Variants in HOOK3 observed in about 807,000 individuals in gnomAD.
The protein encoded by HOOK3 is hook microtubule tethering protein 3.
A neutral mutation model predicts 116.3 loss-of-function variants in HOOK3; 24 were observed. That is an observed-to-expected ratio of 0.21 (90% CI 0.15 to 0.29). The LOEUF (loss-of-function observed/expected upper bound fraction) is 0.29, where lower values mean the gene tolerates loss of function less well. Among genes scored for constraint, HOOK3 ranks in the 10% least tolerant of loss-of-function variants. The pLI is 1.00. For missense variants in HOOK3, 632 were observed against 830.2 expected (o/e 0.76, Z 2.93); for synonymous variants, 275 against 283.0 (o/e 0.97, Z 0.28).
chr8:42,951,328 C>T (rs911114683), intron 6 of HOOK3, among the ~76,000 whole-genome samples: 2 of 152,126 alleles, frequency 1.3e-5, no homozygotes, highest in Non-Finnish European at 2.9e-5. Context: ...TCCCAAAGTG[C>T]TAGGATTACA....
rs71231878 is a variant in HOOK3 at position 42,953,255 on chromosome 8, T to TAAA, written c.468+2817_468+2819dup. Among the ~76,000 whole-genome samples, 3 of 107,422 alleles carry TAAA rather than the reference T, an allele frequency of 2.8e-5. No homozygotes were observed. The South Asian group carries it at 8.7e-4, about 31-fold the overall frequency. The allele number at this position is 107,422 out of a possible 152,430, so 70.5% of individuals were successfully genotyped here. On this transcript the variant is annotated intron_variant, in intron 6 of 21. Coordinates refer to ENST00000307602, the MANE Select transcript of HOOK3 (RefSeq NM_032410.4). ...TAATTCTACTTTTAGGAGTTTATCC[T>TAAA]AAAAAAAAAAAAAAAAAAAGTAAAA...
intron 11 of HOOK3, 86 bp from the exon 12 acceptor site, chr8:42,973,203 T>C (rs1808757520): frequency 3.5e-6 from 5 of 1,410,040 alleles, no homozygotes; most frequent in African/African-American, 2.9e-5. Flanking sequence ...GGGAGAGATT[T>C]TGGTTTTCTT....
chr8:42,907,509 G>C (rs904988032), intron 2 of HOOK3, among the ~76,000 whole-genome samples: 3 of 152,128 alleles, frequency 2.0e-5, no homozygotes, highest in African/African-American at 7.2e-5. Context: ...GAGTCATCTT[G>C]TCATTTTCAT....
chr8:43,006,312 G>T (rs533725281), intron 17 of HOOK3, among the ~76,000 whole-genome samples: 2 of 138,748 alleles, frequency 1.4e-5, no homozygotes, highest in Non-Finnish European at 3.1e-5. Flanking sequence ...TAGCCACTGC[G>T]CCCAGCCTAT....
chr8:42,922,334 G>A (rs1224071937), intron 2 of HOOK3, among the ~76,000 whole-genome samples: 1 of 151,714 alleles, frequency 6.6e-6, no homozygotes, highest in East Asian at 1.9e-4. Flanking sequence ...TTGAGGCCAG[G>A]AGTTTGAGAC....
intron 16 of HOOK3, among the ~76,000 whole-genome samples, chr8:42,998,766 T>C (rs1809328318): frequency 6.6e-6 from 1 of 152,236 alleles, no homozygotes; most frequent in African/African-American, 2.4e-5. Flanking sequence ...CCCAGATTGA[T>C]TTCTGATTCC....
intron 18 of HOOK3, among the ~76,000 whole-genome samples, chr8:43,009,494 T>C (rs1049870712): frequency 3.9e-5 from 6 of 152,192 alleles, no homozygotes; most frequent in Admixed American, 2.0e-4. Context: ...TCGTTAACTC[T>C]GTATTCTAAT....
chr8:42,960,178 T>C (rs1808511087), intron 8 of HOOK3, among the ~76,000 whole-genome samples: 1 of 152,240 alleles, frequency 6.6e-6, no homozygotes, highest in Admixed American at 6.5e-5. Flanking sequence ...TAAATTTGTA[T>C]ACTGGATTGG....
intron 4 of HOOK3, among the ~76,000 whole-genome samples, chr8:42,932,659 C>T (rs1485668851): frequency 6.6e-6 from 1 of 152,158 alleles, no homozygotes; most frequent in East Asian, 1.9e-4. Context: ...CTGAGCGTGC[C>T]TGAGAGGAAG....
chr8:42,964,851 A>G (rs976888461), intron 9 of HOOK3, among the ~76,000 whole-genome samples: 2 of 152,014 alleles, frequency 1.3e-5, no homozygotes, highest in African/African-American at 4.8e-5. Context: ...AAAAAAAAAT[A>G]TAATGTTAGG....
chr8:43,004,516 A>G lies in HOOK3; in HGVS notation c.1655+2375A>G, dbSNP rs149582622. Among the ~76,000 whole-genome samples, 324 of 151,860 alleles carry G rather than the reference A, an allele frequency of 2.1e-3. 1 individual carries two copies. The highest frequency in any genetic ancestry group is 2.2e-3 in the Non-Finnish European group (152 of 67,910). On this transcript the variant is annotated intron_variant, in intron 17 of 21. Coordinates refer to ENST00000307602, the MANE Select transcript of HOOK3 (RefSeq NM_032410.4). ...GACAACATGGTGAAGCCTCATCTCT[A>G]CTAGAAATACAAAAATTAGCCAGGC...
chr8:42,959,517 G>C (rs538077711), intron 8 of HOOK3, among the ~76,000 whole-genome samples: 1 of 151,864 alleles, frequency 6.6e-6, no homozygotes. Flanking sequence ...TCAAGAATTC[G>C]AGACCAGCCT....
chr8:42,923,315 C>T (rs1807697266), intron 2 of HOOK3, among the ~76,000 whole-genome samples: 1 of 152,202 alleles, frequency 6.6e-6, no homozygotes, highest in African/African-American at 2.4e-5. Flanking sequence ...CAGTTTCACC[C>T]CTAGGCATAT....
Position 42,945,925 on chromosome 8 carries a change from AAT to A in HOOK3, c.400+2483_400+2484del, listed in dbSNP as rs201363307. On this transcript the variant is annotated intron_variant, in intron 5 of 21. Transcript: ENST00000307602. The stretch of plus-strand genomic sequence containing the variant: ...TTGATATATAGATAATAATATAATT[AAT>A]ATCTTTTTTATAGTTCTTCCAAAGT... Among the ~76,000 whole-genome samples the A allele has an allele frequency of 1.6e-3, 248 of 152,250 alleles. 2 individuals are homozygous for A. In the East Asian group the frequency reaches 0.02, roughly 13 times the overall value.
At chr8:43,005,029 T>C (rs1048890396) in intron 17 of HOOK3, among the ~76,000 whole-genome samples, 2 of 151,906 alleles carry the variant, frequency 1.3e-5, no homozygotes, top group Admixed American at 6.6e-5. Flanking sequence ...ATTCAAACAA[T>C]AGAATACCAA....
chr8:42,962,053 C>T (rs1808543624), intron 8 of HOOK3, among the ~76,000 whole-genome samples: 1 of 151,800 alleles, frequency 6.6e-6, no homozygotes, highest in Admixed American at 6.6e-5. Flanking sequence ...TCCCAAAGTG[C>T]TGGGATTACA....
At chr8:42,946,221 C>T (rs1030127268) in intron 5 of HOOK3, among the ~76,000 whole-genome samples, 7 of 152,192 alleles carry the variant, frequency 4.6e-5, no homozygotes, top group Admixed American at 2.0e-4. Flanking sequence ...CACAGATACC[C>T]GTATGATGAA....
At chr8:42,964,110 G>A (rs1030573411) in intron 8 of HOOK3, among the ~76,000 whole-genome samples, 2 of 152,198 alleles carry the variant, frequency 1.3e-5, no homozygotes, top group Admixed American at 6.5e-5. Context: ...GGGAGGCTAA[G>A]GCAAAAGAAT....
intron 2 of HOOK3, among the ~76,000 whole-genome samples, chr8:42,919,518 G>C (rs534575455): frequency 6.6e-6 from 1 of 151,936 alleles, no homozygotes; most frequent in Non-Finnish European, 1.5e-5. Flanking sequence ...AGGCAGAGAC[G>C]CTCCTCACTT....
Sources: gnomAD v4.1 joint callset for allele counts (sites outside exome capture counted in the v4.1 genomes callset) on GRCh38, gnomAD v4.1.1 for gene constraint, MANE v1.5 for transcripts, NCBI Gene and HGNC (gene_info 2026-07-23, HGNC 2026-07-21) for gene names.